TLL1: variants seen among roughly 807,000 people sequenced by gnomAD.
The protein encoded by TLL1 is tolloid-like protein 1.
In TLL1, 49 loss-of-function variants were observed where a neutral mutation model predicts 128.2. The ratio of observed to expected loss-of-function variants is 0.38; its 90% CI spans 0.30 to 0.48. TLL1 has a LOEUF of 0.48. Ranked by LOEUF, TLL1 falls within the 20% of genes least tolerant of loss-of-function variation. TLL1 has a pLI of 0.96. For missense variants in TLL1, 1,123 were observed against 1,242.0 expected (o/e 0.90, Z 1.44); for synonymous variants, 454 against 418.8 (o/e 1.08, Z -1.03).
At chr4:166,076,556 T>C (rs1438709894) in intron 17 of TLL1, among the ~76,000 whole-genome samples, 7 of 152,174 alleles carry the variant, frequency 4.6e-5, no homozygotes, top group African/African-American at 1.7e-4. Context: ...CATAAACTTG[T>C]CCTATTGCCA....
chr4:165,920,978 T>C (rs1329225649), intron 1 of TLL1, among the ~76,000 whole-genome samples: 1 of 152,238 alleles, frequency 6.6e-6, no homozygotes, highest in Non-Finnish European at 1.5e-5. Context: ...CTTTCCTTAA[T>C]TGAGTCTATC....
rs529836888 is a variant in TLL1, at chr4:166,038,344, T to C, written c.1159-995T>C. Among the ~76,000 whole-genome samples, 5 of 152,284 alleles carry C rather than the reference T, an allele frequency of 3.3e-5. No homozygotes were observed. The East Asian group carries it at 7.7e-4, about 24-fold the overall frequency. ...TGAATATTGCTACAAACTATAGTTT[T>C]GTAGTAGGAGCATTTGGAATACTCA... On this transcript the variant is annotated intron_variant, in intron 9 of 20. Transcript: ENST00000061240.
At chr4:166,017,450 G>C (rs147226203) in intron 8 of TLL1, among the ~76,000 whole-genome samples, 1 of 151,996 alleles carries the variant, frequency 6.6e-6, no homozygotes, top group Admixed American at 6.6e-5. Context: ...TCGGATATAT[G>C]CTTAGTAATG....
rs150752160 is a variant in TLL1, at chr4:165,987,445, C to T, written c.170-1936C>T. Among the ~76,000 whole-genome samples, 4 of 152,088 alleles carry T rather than the reference C, an allele frequency of 2.6e-5. No homozygotes were observed. The East Asian group carries it at 5.8e-4, about 22-fold the overall frequency. On this transcript the variant is annotated intron_variant, in intron 1 of 20. Coordinates refer to ENST00000061240, the MANE Select transcript of TLL1 (RefSeq NM_012464.5). Reference sequence around the variant, plus strand: ...GTCTGTACGAAGCTGATTAGAATCTCGATTCAATTTCAGGCATCAAAACCA... The same window carrying T: ...GTCTGTACGAAGCTGATTAGAATCTTGATTCAATTTCAGGCATCAAAACCA...
intron 1 of TLL1, among the ~76,000 whole-genome samples, chr4:165,888,553 T>A (rs1365396451): frequency 2.0e-5 from 3 of 149,890 alleles, no homozygotes; most frequent in South Asian, 2.1e-4. Flanking sequence ...CACTGGAAAA[T>A]ATTTTTTTTT....
chr4:166,040,031 G>A (rs1309486943), intron 10 of TLL1, among the ~76,000 whole-genome samples: 3 of 152,190 alleles, frequency 2.0e-5, no homozygotes, highest in African/African-American at 4.8e-5. Flanking sequence ...TGCTGTCAAC[G>A]TTTAACCACA....
At chr4:165,974,896 T>G (rs1735803235) in intron 1 of TLL1, among the ~76,000 whole-genome samples, 1 of 152,064 alleles carries the variant, frequency 6.6e-6, no homozygotes, top group Non-Finnish European at 1.5e-5. Context: ...GACCCTGTGA[T>G]AGAGATTATT....
chr4:166,000,173 C>T (rs1182972563), intron 5 of TLL1, among the ~76,000 whole-genome samples: 1 of 152,052 alleles, frequency 6.6e-6, no homozygotes, highest in Admixed American at 6.6e-5. Context: ...ATCCAACAGC[C>T]GTATACAAGA....
At chr4:166,071,038 G>A (rs1332213926) in intron 16 of TLL1, among the ~76,000 whole-genome samples, 1 of 151,798 alleles carries the variant, frequency 6.6e-6, no homozygotes, top group Non-Finnish European at 1.5e-5. Flanking sequence ...TTTTGTAGGC[G>A]ATTATTTACT....
chr4:165,978,361 A>G (rs544113131), intron 1 of TLL1, among the ~76,000 whole-genome samples: 1 of 151,964 alleles, frequency 6.6e-6, no homozygotes, highest in African/African-American at 2.4e-5. Flanking sequence ...AGATAATTCC[A>G]GTTCATTTTT....
At chr4:165,939,072 T>C (rs534573689) in intron 1 of TLL1, among the ~76,000 whole-genome samples, 8 of 152,202 alleles carry the variant, frequency 5.3e-5, no homozygotes, top group African/African-American at 1.7e-4. Context: ...TGTAATGATA[T>C]TAAGTTTGAA....
At chr4:166,052,014 C>T (rs58050853) in intron 12 of TLL1, among the ~76,000 whole-genome samples, 1,931 of 152,096 alleles carry the variant, frequency 0.013, 36 homozygotes, top group African/African-American at 0.043. Flanking sequence ...AGTGAATACA[C>T]TGTAAATTAA....
In TLL1 at chr4:166,025,396, T is replaced by G. The variant is rs1738449664; in HGVS notation, c.1123T>G (p.Cys375Gly). Residue 375 changes from cysteine (C) to glycine (G), a missense_variant, in exon 9 of 21, where the codon TGC becomes GGC. Cys to Gly is a radical substitution (Grantham distance 159). Coordinates refer to ENST00000061240, the MANE Select transcript of TLL1 (RefSeq NM_012464.5). ...CAATGGCTACCCTTCTTACACACACTGCATCTGGAGAGTTTCTGTGACCCC... is the reference window on the plus strand; with the variant it reads ...CAATGGCTACCCTTCTTACACACACGGCATCTGGAGAGTTTCTGTGACCCC... The part of the protein sequence containing the change: ...FPNGYPSYTH[C>G]IWRVSVTPGE... The G allele has an allele frequency of 1.5e-5, 25 of 1,613,908 alleles. No individual in the cohort carries two copies. Among genetic ancestry groups the G allele is most frequent in the Non-Finnish European group, 2.1e-5 (25 of 1,179,834 alleles).
chr4:166,023,286 G>A (rs1011065109), intron 8 of TLL1, among the ~76,000 whole-genome samples: 5 of 152,280 alleles, frequency 3.3e-5, no homozygotes, highest in Admixed American at 3.3e-4. Context: ...TGTAATCCCA[G>A]CTATTCGTGA....
intron 19 of TLL1, among the ~76,000 whole-genome samples, chr4:166,095,230 G>T (rs991757495): frequency 6.6e-6 from 1 of 152,002 alleles, no homozygotes; most frequent in Non-Finnish European, 1.5e-5. Context: ...ATGTTGTAAT[G>T]TGTAATGATG....
At chr4:166,098,391 G>A (rs1264756255) in intron 19 of TLL1, among the ~76,000 whole-genome samples, 1 of 147,096 alleles carries the variant, frequency 6.8e-6, no homozygotes, top group African/African-American at 2.5e-5. Context: ...TTCCTGAGAA[G>A]TGTGTTTGAA....
chr4:166,093,336 G>A (rs1252772410), intron 19 of TLL1, among the ~76,000 whole-genome samples: 1 of 152,122 alleles, frequency 6.6e-6, no homozygotes, highest in Admixed American at 6.6e-5. Context: ...TGTGAGCAAA[G>A]GAATCTGTGT....
At chr4:166,083,406 A>G (rs1479997164) in intron 18 of TLL1, among the ~76,000 whole-genome samples, 1 of 123,092 alleles carries the variant, frequency 8.1e-6, no homozygotes, top group African/African-American at 2.5e-5. Context: ...AAAACACTTA[A>G]CATCCACTAT....
chr4:165,886,707 A>C (rs1731176739), intron 1 of TLL1, among the ~76,000 whole-genome samples: 1 of 152,204 alleles, frequency 6.6e-6, no homozygotes, highest in Non-Finnish European at 1.5e-5. Context: ...ATACAATATA[A>C]ATGCTATGAG....
Sources: allele counts gnomAD v4.1 joint callset (sites outside exome capture counted in the v4.1 genomes callset), GRCh38; gene constraint gnomAD v4.1.1; transcripts MANE v1.5; gene names NCBI Gene and HGNC (gene_info 2026-07-23, HGNC 2026-07-21).